Variants in CLIP1 observed in about 807,000 individuals in gnomAD.
The protein encoded by CLIP1 is CAP-Gly domain-containing linker protein 1.
In CLIP1, 66 loss-of-function variants were observed where a neutral mutation model predicts 161.6. That is an observed-to-expected ratio of 0.41 (90% CI 0.33 to 0.50). The LOEUF (loss-of-function observed/expected upper bound fraction) is 0.50. Among genes scored for constraint, CLIP1 ranks in the 20% least tolerant of loss-of-function variants. The pLI is 0.27. For missense variants in CLIP1, 1,376 were observed against 1,702.0 expected, an observed-to-expected ratio of 0.81 and a Z score of 3.37; for synonymous variants, 598 against 626.2, an observed-to-expected ratio of 0.96 and a Z score of 0.67.
chr12:122,328,228 G>A (rs1951786169), intron 16 of CLIP1, 33 bp downstream of exon 16: 2 of 1,613,070 alleles, frequency 1.2e-6, no homozygotes, highest in South Asian at 2.2e-5. Flanking sequence ...TGCCTTCCTT[G>A]CCAGCCAACA....
At position 122,361,184 on chromosome 12, in the gene CLIP1, T is replaced by A; in HGVS notation, c.783-3A>T. 6.2e-7 allele frequency: 1 copy of A among 1,603,566 alleles called. No homozygotes were observed. The highest frequency in any genetic ancestry group is 8.5e-7 in the Non-Finnish European group (1 of 1,172,164). On this transcript the variant is annotated splice_polypyrimidine_tract_variant and splice_region_variant and intron_variant, in intron 4 of 25. Coordinates refer to ENST00000620786, the MANE Select transcript of CLIP1 (RefSeq NM_001247997.2). ...ATTTGGGTTGACACTGAAAATACCT[T>A]TAGAGAACAATAAGAACAATAACAA...
intron 19 of CLIP1, among the ~76,000 whole-genome samples, chr12:122,314,428 A>G (rs1951185603): frequency 6.6e-6 from 1 of 152,196 alleles, no homozygotes; most frequent in Admixed American, 6.5e-5. Flanking sequence ...CAGAGATCAC[A>G]CTACTACACT....
intron 19 of CLIP1, among the ~76,000 whole-genome samples, chr12:122,310,555 T>A (rs923285860): frequency 2.6e-5 from 4 of 152,222 alleles, no homozygotes; most frequent in Non-Finnish European, 5.9e-5. Flanking sequence ...ATACCGTGAA[T>A]ATCAGCATAG....
chr12:122,337,782 G>A (rs939308985), intron 11 of CLIP1, among the ~76,000 whole-genome samples: 1 of 152,120 alleles, frequency 6.6e-6, no homozygotes, highest in Admixed American at 6.5e-5. Flanking sequence ...TTGGGAGGCA[G>A]AGGTGGGCGG....
intron 1 of CLIP1, among the ~76,000 whole-genome samples, chr12:122,387,566 ATATATATATATATATATATATATAT>A (rs578030529): frequency 0.4 from 29,781 of 73,952 alleles, 7,385 homozygotes; most frequent in South Asian, 0.47. Context: ...ATATATATAT[ATATATATATATATATATATATATAT>A]TTTTTTTTTT....
At chr12:122,352,090 AC>A (rs908566643) in intron 8 of CLIP1, among the ~76,000 whole-genome samples, 5 of 144,910 alleles carry the variant, frequency 3.5e-5, no homozygotes, top group African/African-American at 1.0e-4. Flanking sequence ...CAAAGTCTCG[AC>A]CCATCCCCCA....
In CLIP1 at chr12:122,276,405, C is replaced by CACACACACACACGT. The variant is rs1555253510; in HGVS notation, c.3966+1748_3966+1749insACGTGTGTGTGTGT. On this transcript the variant is annotated intron_variant, in intron 24 of 25. Coordinates refer to ENST00000620786, the MANE Select transcript of CLIP1 (RefSeq NM_001247997.2). ...AACCACACACACACACACACACACA[C>CACACACACACACGT]GTGTGCACGCAAATTAGGAAACATG... The CACACACACACACGT allele has an allele frequency of 5.4e-6, 7 of 1,287,680 alleles. No homozygotes were observed. In the African/African-American group the frequency reaches 9.1e-5, roughly 17 times the overall value. The allele number at this position is 1,287,680 out of a possible 1,614,324, so 79.8% of individuals were successfully genotyped here.
chr12:122,316,867 A>C lies in CLIP1; in HGVS notation c.3367-12T>G. 6.9e-7 allele frequency: 1 copy of C among 1,443,048 alleles called. No individual in the cohort carries two copies. Among genetic ancestry groups the C allele is most frequent in the Non-Finnish European group, 9.4e-7 (1 of 1,065,738 alleles). 89.4% of individuals were successfully genotyped at this position (1,443,048 alleles called of 1,614,324 possible). A position where few individuals can be genotyped will look rare whatever the true frequency, so the allele number is the denominator to read the frequency against. ...TTAAGTGTGTCCAACTTAAAGACCA[A>C]GAGAAAAAAACTTGATGAAATTATT... On this transcript the variant is annotated splice_polypyrimidine_tract_variant and intron_variant, in intron 18 of 25. Coordinates refer to ENST00000620786, the MANE Select transcript of CLIP1 (RefSeq NM_001247997.2).
At chr12:122,356,900 G>C (rs377519934) in intron 5 of CLIP1, among the ~76,000 whole-genome samples, 2 of 152,220 alleles carry the variant, frequency 1.3e-5, no homozygotes, top group East Asian at 1.9e-4. Flanking sequence ...TCGGCCTCCC[G>C]AGGTGCCGAG....
At chr12:122,345,924 T>C (rs1330930901) in intron 10 of CLIP1, among the ~76,000 whole-genome samples, 1 of 152,064 alleles carries the variant, frequency 6.6e-6, no homozygotes, top group Non-Finnish European at 1.5e-5. Flanking sequence ...TAGCTGGGAT[T>C]ACAGGCATGT....
At chr12:122,276,477 T>C (rs1384050683) in intron 24 of CLIP1, 2 of 1,288,710 alleles carry the variant, frequency 1.6e-6, no homozygotes, top group Non-Finnish European at 2.0e-6. Context: ...CAGCAGCAGA[T>C]GAAACAAACC....
chr12:122,277,768 G>A (rs1484753831), intron 24 of CLIP1: 1 of 156,892 alleles, frequency 6.4e-6, no homozygotes, highest in Non-Finnish European at 1.4e-5. Flanking sequence ...TCCACGTAAT[G>A]GAACACTACA....
Position 122,390,279 on chromosome 12 carries a change from CATATATATATATATATAT to C in CLIP1, c.-106-9739_-106-9722del, listed in dbSNP as rs1179187571. Among the ~76,000 whole-genome samples the C allele has an allele frequency of 1.6e-4, 13 of 79,016 alleles. 1 individual carries two copies. In the Admixed American group the frequency reaches 1.9e-3, roughly 11 times the overall value. The allele number at this position is 79,016 out of a possible 152,430, so 51.8% of individuals were successfully genotyped here. ...ATATATACACACACATATATATATA[CATATATATATATATATAT>C]ATATATGTATATATATATATATTAT... On this transcript the variant is annotated intron_variant, in intron 1 of 25. Coordinates refer to ENST00000620786, the MANE Select transcript of CLIP1 (RefSeq NM_001247997.2).
At chr12:122,380,249 A>G (rs1954956532) in intron 2 of CLIP1, 119 bp downstream of exon 2, 1 of 691,584 alleles carries the variant, frequency 1.4e-6, no homozygotes, top group Non-Finnish European at 2.2e-6. Context: ...TCTCAAAAAA[A>G]AAAAAAAATC....
At chr12:122,360,511 T>TG (rs1953723873) in intron 5 of CLIP1, among the ~76,000 whole-genome samples, 1 of 151,616 alleles carries the variant, frequency 6.6e-6, no homozygotes, top group Admixed American at 6.6e-5. Flanking sequence ...TGCTTGAGCC[T>TG]GGGACGTTGA....
At chr12:122,422,052 G>T (rs1008369583) in intron 1 of CLIP1, among the ~76,000 whole-genome samples, 5 of 152,160 alleles carry the variant, frequency 3.3e-5, no homozygotes, top group African/African-American at 1.2e-4. Context: ...CGCGGGCGCC[G>T]GGCACCCGGG....
intron 15 of CLIP1, among the ~76,000 whole-genome samples, chr12:122,328,957 AT>A (rs1951820826): frequency 2.0e-5 from 3 of 152,356 alleles, no homozygotes; most frequent in Admixed American, 1.3e-4. Context: ...ATTTAGAGTA[AT>A]AACTACTGTA....
At position 122,422,195 on chromosome 12, in the gene CLIP1, G is replaced by T. The variant is rs137888112; in HGVS notation, c.-107+326C>A. Among the ~76,000 whole-genome samples the T allele has an allele frequency of 2.0e-5, 3 of 152,230 alleles. No individual in the cohort carries two copies. In the East Asian group the frequency reaches 5.8e-4, roughly 30 times the overall value. ...GAGGGAGCGGGGCGCCAGGGAGAGA[G>T]CGGCGCCTGGGGCGGCGCAGGGGCA... On this transcript the variant is annotated intron_variant, in intron 1 of 25. Coordinates refer to ENST00000620786, the MANE Select transcript of CLIP1 (RefSeq NM_001247997.2).
At chr12:122,412,333 A>AC (rs1165605340) in intron 1 of CLIP1, among the ~76,000 whole-genome samples, 1 of 142,916 alleles carries the variant, frequency 7.0e-6, no homozygotes, top group East Asian at 2.4e-4. Context: ...GGGGTGAGCC[A>AC]CCACACCTGG....
Sources: allele counts gnomAD v4.1 joint callset (sites outside exome capture counted in the v4.1 genomes callset), GRCh38; gene constraint gnomAD v4.1.1; transcripts MANE v1.5; gene names NCBI Gene and HGNC (gene_info 2026-07-23, HGNC 2026-07-21).